Variants in EYS observed in about 807,000 individuals in gnomAD.
EYS encodes protein eyes shut homolog.
Under a neutral mutation model 282.1 loss-of-function variants are expected in EYS, and 250 were observed. The observed-to-expected ratio is 0.89, with a 90% CI of 0.80 to 0.98. The LOEUF is 0.98. Among genes scored for constraint, EYS ranks in the 50% least tolerant of loss-of-function variants. The pLI is 0.00. For synonymous variants in EYS, 1,355 were observed against 1,282.9 expected, an observed-to-expected ratio of 1.06 and a Z score of -1.20; for missense variants, 4,016 against 3,709.0, an observed-to-expected ratio of 1.08 and a Z score of -2.15.
At chr6:65,705,589 T>C (rs1167380217) in intron 1 of EYS, among the ~76,000 whole-genome samples, 1 of 152,214 alleles carries the variant, frequency 6.6e-6, no homozygotes, top group Non-Finnish European at 1.5e-5. Context: ...GCTTATTCCC[T>C]ATGCTCACAA....
chr6:65,071,986 T>A (rs1263665759), intron 12 of EYS, among the ~76,000 whole-genome samples: 1 of 151,786 alleles, frequency 6.6e-6, no homozygotes, highest in Non-Finnish European at 1.5e-5. Context: ...CTTTCCAGCC[T>A]CCAGACTATA....
At chr6:64,270,637 G>A (rs1039614917) in intron 30 of EYS, among the ~76,000 whole-genome samples, 1 of 152,116 alleles carries the variant, frequency 6.6e-6, no homozygotes, top group East Asian at 1.9e-4. Context: ...TATAGAACTT[G>A]TAATAGCTGA....
rs140328990 is a variant in EYS at position 63,961,065 on chromosome 6, G to A, written c.7055+23318C>T. Among the ~76,000 whole-genome samples the A allele has an allele frequency of 3.9e-5, 6 of 152,272 alleles. No homozygotes were observed. In the South Asian group the frequency reaches 8.3e-4, roughly 21 times the overall value. The stretch of plus-strand genomic sequence containing the variant: ...CTTAGTCTGCTCCTGCTGCTACAGC[G>A]AAATAACATAGATTGGGTAATTTAT... On this transcript the variant is annotated intron_variant, in intron 35 of 42. Coordinates refer to ENST00000503581, the MANE Select transcript of EYS (RefSeq NM_001142800.2).
chr6:63,883,112 C>G (rs190461006), intron 35 of EYS, among the ~76,000 whole-genome samples: 1 of 152,280 alleles, frequency 6.6e-6, no homozygotes, highest in East Asian at 1.9e-4. Flanking sequence ...TAATCAGTCA[C>G]AACACCTCCT....
At position 64,945,932 on chromosome 6, in the gene EYS, T is replaced by G. The variant is rs1769274710; in HGVS notation, c.2260-18A>C. ...TGGTAGCTCTAAGAGAATATGAAAT[T>G]ATATATTTTTAGGCTATTTCTTACT... On this transcript the variant is annotated intron_variant, in intron 14 of 42. Coordinates refer to ENST00000503581, the MANE Select transcript of EYS (RefSeq NM_001142800.2). The G allele has an allele frequency of 6.5e-7, 1 of 1,530,994 alleles. No individual in the cohort carries two copies. Among genetic ancestry groups the G allele is most frequent in the Non-Finnish European group, 8.8e-7 (1 of 1,133,526 alleles). 94.8% of individuals were successfully genotyped at this position (1,530,994 alleles called of 1,614,324 possible).
At chr6:65,407,212 T>C (rs975556339) in intron 5 of EYS, among the ~76,000 whole-genome samples, 8 of 152,164 alleles carry the variant, frequency 5.3e-5, no homozygotes, top group African/African-American at 1.2e-4. Flanking sequence ...TTGAAGGTCA[T>C]GTAACTAGAC....
intron 22 of EYS, among the ~76,000 whole-genome samples, chr6:64,720,756 AAC>A (rs879788794): frequency 2.6e-5 from 4 of 152,180 alleles, no homozygotes; most frequent in African/African-American, 4.8e-5. Context: ...TTCTACAAAC[AAC>A]ACACACACAT....
chr6:65,583,279 T>G (rs1475942975), intron 2 of EYS, among the ~76,000 whole-genome samples: 2 of 152,028 alleles, frequency 1.3e-5, no homozygotes, highest in Non-Finnish European at 2.9e-5. Context: ...TAATTTGCCG[T>G]AAGAAGAATT....
chr6:63,857,091 G>T (rs972523890), intron 36 of EYS, among the ~76,000 whole-genome samples: 1 of 152,090 alleles, frequency 6.6e-6, no homozygotes, highest in African/African-American at 2.4e-5. Context: ...CTAGTATGGT[G>T]GTTTTATAGT....
intron 33 of EYS, among the ~76,000 whole-genome samples, chr6:64,032,706 C>T (rs1181351511): frequency 1.3e-5 from 2 of 152,186 alleles, no homozygotes; most frequent in East Asian, 1.9e-4. Flanking sequence ...TGCTATTCAG[C>T]TCACTGAACT....
At chr6:63,999,864 AT>A (rs1035661607) in intron 33 of EYS, among the ~76,000 whole-genome samples, 31 of 152,204 alleles carry the variant, frequency 2.0e-4, no homozygotes, top group Non-Finnish European at 2.8e-4. Flanking sequence ...TACTTGGCAT[AT>A]TTTTTAAGCA....
At chr6:64,082,619 G>C (rs919878759) in intron 31 of EYS, among the ~76,000 whole-genome samples, 42 of 150,516 alleles carry the variant, frequency 2.8e-4, no homozygotes, top group African/African-American at 8.3e-4. Flanking sequence ...CTGTCACACA[G>C]AGGAATTTTA....
chr6:65,330,943 G>T, intron 11 of EYS: 2 of 984,248 alleles, frequency 2.0e-6, no homozygotes, highest in Non-Finnish European at 2.4e-6. Flanking sequence ...ATGTTCAAAT[G>T]AGATTATAGC....
intron 22 of EYS, among the ~76,000 whole-genome samples, chr6:64,709,390 T>C (rs1429352994): frequency 6.6e-6 from 1 of 152,192 alleles, no homozygotes; most frequent in Non-Finnish European, 1.5e-5. Flanking sequence ...AGCATTTTTC[T>C]ATATCCAGTT....
intron 5 of EYS, among the ~76,000 whole-genome samples, chr6:65,418,232 G>C (rs946503860): frequency 1.3e-5 from 2 of 151,990 alleles, no homozygotes; most frequent in African/African-American, 2.4e-5. Context: ...AGTTAGAAAA[G>C]TAATTTTGAG....
intron 12 of EYS, among the ~76,000 whole-genome samples, chr6:65,264,183 T>G (rs1767692431): frequency 6.6e-6 from 1 of 152,122 alleles, no homozygotes; most frequent in African/African-American, 2.4e-5. Context: ...GCAAGGCACT[T>G]TTTGAACCAA....
At chr6:64,177,269 T>G (rs1444615418) in intron 31 of EYS, among the ~76,000 whole-genome samples, 1 of 151,664 alleles carries the variant, frequency 6.6e-6, no homozygotes, top group African/African-American at 2.4e-5. Context: ...TTTCTGTGTT[T>G]TTTATTTTCT....
chr6:65,066,678 G>C (rs1773754852), intron 12 of EYS, among the ~76,000 whole-genome samples: 1 of 152,100 alleles, frequency 6.6e-6, no homozygotes, highest in African/African-American at 2.4e-5. Flanking sequence ...ATTCAAACTT[G>C]AATTCATTAG....
intron 35 of EYS, among the ~76,000 whole-genome samples, chr6:63,946,348 TA>T (rs1259137948): frequency 1.3e-5 from 2 of 152,236 alleles, no homozygotes; most frequent in Non-Finnish European, 2.9e-5. Flanking sequence ...TCAATAATTA[TA>T]AAGTTAATAT....
Sources: gnomAD v4.1 joint callset for allele counts (sites outside exome capture counted in the v4.1 genomes callset) on GRCh38, gnomAD v4.1.1 for gene constraint, MANE v1.5 for transcripts, NCBI Gene and HGNC (gene_info 2026-07-23, HGNC 2026-07-21) for gene names.